Variants in PAPPA2 observed in about 807,000 individuals in gnomAD.
PAPPA2 encodes pappalysin 2, also known as pappalysin-2.
Under a neutral mutation model 176.4 loss-of-function variants are expected in PAPPA2, and 86 were observed. The observed-to-expected ratio is 0.49, with a 90% confidence interval of 0.41 to 0.58. PAPPA2 has a LOEUF of 0.58. Ranked by LOEUF, PAPPA2 falls within the 20% of genes least tolerant of loss-of-function variation. The probability of loss-of-function intolerance (pLI) is 0.00; values close to 1 mark genes in which losing one functional copy is unlikely to be tolerated. For missense variants in PAPPA2, 2,073 were observed against 2,256.9 expected, an observed-to-expected ratio of 0.92 and a Z score of 1.65; for synonymous variants, 809 against 852.2, an observed-to-expected ratio of 0.95 and a Z score of 0.88.
At chr1:176,548,538 T>C (rs1650762513) in intron 1 of PAPPA2, among the ~76,000 whole-genome samples, 1 of 152,212 alleles carries the variant, frequency 6.6e-6, no homozygotes, top group Non-Finnish European at 1.5e-5. Context: ...GGTTTTGTCA[T>C]GCTGGGAGTC....
chr1:176,781,687 G>T (rs907176101), intron 17 of PAPPA2, among the ~76,000 whole-genome samples: 2 of 152,002 alleles, frequency 1.3e-5, no homozygotes, highest in African/African-American at 2.4e-5. Flanking sequence ...TTTTAAAATG[G>T]TCTAGATCAC....
At chr1:176,486,593 A>G (rs1385382919) in intron 1 of PAPPA2, among the ~76,000 whole-genome samples, 1 of 152,210 alleles carries the variant, frequency 6.6e-6, no homozygotes, top group Admixed American at 6.5e-5. Flanking sequence ...TGAAATCTTA[A>G]TTCTCTAGGT....
intron 20 of PAPPA2, among the ~76,000 whole-genome samples, chr1:176,796,158 G>T (rs1396281815): frequency 6.6e-6 from 1 of 152,180 alleles, no homozygotes; most frequent in Non-Finnish European, 1.5e-5. Flanking sequence ...ACTCAGACAT[G>T]AGTCATGGAA....
chr1:176,687,740 G>A (rs1659910229), intron 4 of PAPPA2, among the ~76,000 whole-genome samples: 2 of 152,002 alleles, frequency 1.3e-5, no homozygotes, highest in Admixed American at 6.6e-5. Flanking sequence ...ACTATTGATT[G>A]GAACTTTTTT....
intron 4 of PAPPA2, among the ~76,000 whole-genome samples, chr1:176,687,086 T>G (rs1394458164): frequency 6.6e-6 from 1 of 152,238 alleles, no homozygotes; most frequent in Non-Finnish European, 1.5e-5. Flanking sequence ...TTTCTATATT[T>G]TGTGCAATCT....
At chr1:176,516,767 T>C (rs1648938317) in intron 1 of PAPPA2, among the ~76,000 whole-genome samples, 1 of 152,176 alleles carries the variant, frequency 6.6e-6, no homozygotes, top group African/African-American at 2.4e-5. Context: ...GTTTTCAAAT[T>C]ATCCAGTCTG....
chr1:176,563,363 G>A (rs985958017), intron 2 of PAPPA2, among the ~76,000 whole-genome samples: 1 of 152,216 alleles, frequency 6.6e-6, no homozygotes, highest in African/African-American at 2.4e-5. Context: ...CCTGTTTCAT[G>A]TGAAGGAGGG....
At chr1:176,522,182 A>T (rs1649251470) in intron 1 of PAPPA2, among the ~76,000 whole-genome samples, 1 of 152,234 alleles carries the variant, frequency 6.6e-6, no homozygotes, top group African/African-American at 2.4e-5. Flanking sequence ...ATTTCTACTC[A>T]TAAAAGCAAT....
At chr1:176,479,686 CT>C (rs1448571753) in intron 1 of PAPPA2, among the ~76,000 whole-genome samples, 1 of 152,168 alleles carries the variant, frequency 6.6e-6, no homozygotes, top group African/African-American at 2.4e-5. Context: ...CACTTTTCTT[CT>C]TGTCAGTCAT....
intron 18 of PAPPA2, among the ~76,000 whole-genome samples, chr1:176,790,282 G>A (rs747684100): frequency 1.3e-5 from 2 of 152,114 alleles, no homozygotes; most frequent in African/African-American, 2.4e-5. Flanking sequence ...GATGGCCACT[G>A]ACATAAGTTG....
chr1:176,814,959 T>C (rs1226278783), intron 21 of PAPPA2, among the ~76,000 whole-genome samples: 1 of 152,202 alleles, frequency 6.6e-6, no homozygotes, highest in African/African-American at 2.4e-5. Context: ...GTATGTTCCT[T>C]CAATACCTAG....
chr1:176,770,368 AC>A (rs1664170043), intron 16 of PAPPA2, among the ~76,000 whole-genome samples: 1 of 152,172 alleles, frequency 6.6e-6, no homozygotes, highest in African/African-American at 2.4e-5. Flanking sequence ...ATTCGGAGAA[AC>A]CATGAATTGT....
chr1:176,813,476 G>C (rs1557887571), intron 21 of PAPPA2, among the ~76,000 whole-genome samples: 1 of 152,044 alleles, frequency 6.6e-6, no homozygotes, highest in Non-Finnish European at 1.5e-5. Flanking sequence ...TTTAATAATA[G>C]CCATTCTCAC....
At chr1:176,720,854 A>C (rs1486199330) in intron 12 of PAPPA2, among the ~76,000 whole-genome samples, 1 of 152,186 alleles carries the variant, frequency 6.6e-6, no homozygotes, top group African/African-American at 2.4e-5. Context: ...GCCCCCAAGA[A>C]GCTGCTGGTA....
chr1:176,532,359 A>G (rs1027587574), intron 1 of PAPPA2, among the ~76,000 whole-genome samples: 1 of 152,202 alleles, frequency 6.6e-6, no homozygotes, highest in Non-Finnish European at 1.5e-5. Context: ...GAAGCCAAGC[A>G]CGTCCCTGCA....
chr1:176,583,149 G>T (rs1653088412), intron 2 of PAPPA2, among the ~76,000 whole-genome samples: 1 of 151,566 alleles, frequency 6.6e-6, no homozygotes, highest in Non-Finnish European at 1.5e-5. Flanking sequence ...CTAGCTAATG[G>T]CTTGTCCATT....
chr1:176,808,813 T>C (rs1304749510), intron 21 of PAPPA2, among the ~76,000 whole-genome samples: 3 of 152,148 alleles, frequency 2.0e-5, no homozygotes, highest in Non-Finnish European at 1.5e-5. Context: ...ATAATACCTT[T>C]GGAAAAAATC....
rs1653838494 is a variant in PAPPA2, at chr1:176,594,504, G to A, written c.920-20G>A. Reference sequence around the variant, plus strand: ...GTATCTGGTATCTGTCTCTTCCCTCGATTCTTCCTTCTTTCCCAGGTGTGT... The same window carrying A: ...GTATCTGGTATCTGTCTCTTCCCTCAATTCTTCCTTCTTTCCCAGGTGTGT... On this transcript the variant is annotated intron_variant, in intron 2 of 22. Transcript: ENST00000367662. 1.9e-6 allele frequency: 3 copies of A among 1,594,414 alleles called. No individual in the cohort carries two copies. Among genetic ancestry groups the A allele is most frequent in the Middle Eastern group, 3.3e-4 (2 of 5,990 alleles).
intron 1 of PAPPA2, among the ~76,000 whole-genome samples, chr1:176,518,085 T>C (rs574418043): frequency 6.6e-6 from 1 of 152,224 alleles, no homozygotes; most frequent in Non-Finnish European, 1.5e-5. Context: ...GGTGGGAGGA[T>C]TGGTAGGGAA....
Sources: allele counts gnomAD v4.1 joint callset (sites outside exome capture counted in the v4.1 genomes callset), GRCh38; gene constraint gnomAD v4.1.1; transcripts MANE v1.5; gene names NCBI Gene and HGNC (gene_info 2026-07-23, HGNC 2026-07-21).